The following IQGAP2 variants were observed in gnomAD, a reference collection of about 807,000 sequenced individuals.
IQGAP2 encodes the protein IQ motif containing GTPase activating protein 2, also known as ras GTPase-activating-like protein IQGAP2.
Under a neutral mutation model 201.3 loss-of-function variants are expected in IQGAP2, and 173 were observed. The observed-to-expected ratio is 0.86, with a 90% CI of 0.76 to 0.98. The LOEUF (loss-of-function observed/expected upper bound fraction) is 0.98. IQGAP2 is among the 50% of genes least tolerant of loss of function. IQGAP2 has a pLI of 0.00. For synonymous variants in IQGAP2, 675 were observed against 673.9 expected (o/e 1.00, Z -0.03); for missense variants, 1,687 against 1,864.8 (o/e 0.90, Z 1.76).
chr5:76,554,152 A>T (rs1438277297), intron 2 of IQGAP2, among the ~76,000 whole-genome samples: 1 of 152,214 alleles, frequency 6.6e-6, no homozygotes, highest in Non-Finnish European at 1.5e-5. Context: ...GGGTAGCCAC[A>T]TGCAAAAGAA....
chr5:76,504,066 T>C (rs1757451766), intron 2 of IQGAP2, among the ~76,000 whole-genome samples: 1 of 152,202 alleles, frequency 6.6e-6, no homozygotes, highest in Non-Finnish European at 1.5e-5. Context: ...CCCTGAATGA[T>C]CAAAGCTGGC....
chr5:76,518,193 C>G (rs547075634), intron 2 of IQGAP2, among the ~76,000 whole-genome samples: 12 of 152,142 alleles, frequency 7.9e-5, no homozygotes, highest in Non-Finnish European at 1.5e-4. Context: ...AACTCCTGAC[C>G]TTAGGTGATC....
At chr5:76,515,973 G>C (rs1259504342) in intron 2 of IQGAP2, among the ~76,000 whole-genome samples, 3 of 149,102 alleles carry the variant, frequency 2.0e-5, no homozygotes, top group Non-Finnish European at 4.4e-5. Flanking sequence ...GACCTCCCAG[G>C]CTCAAGCAAT....
intron 2 of IQGAP2, among the ~76,000 whole-genome samples, chr5:76,534,219 G>A (rs1406917645): frequency 2.6e-5 from 4 of 152,192 alleles, no homozygotes; most frequent in African/African-American, 9.6e-5. Flanking sequence ...CATGGTGTGT[G>A]GCCACTAGAA....
chr5:76,427,344 A>G (rs1752068139), intron 1 of IQGAP2, among the ~76,000 whole-genome samples: 1 of 152,122 alleles, frequency 6.6e-6, no homozygotes, highest in Non-Finnish European at 1.5e-5. Context: ...CATTTACTGG[A>G]CCAATTAGTG....
intron 2 of IQGAP2, among the ~76,000 whole-genome samples, chr5:76,532,557 C>T (rs773410731): frequency 4.6e-5 from 7 of 152,114 alleles, no homozygotes; most frequent in South Asian, 2.1e-4. Context: ...ATCCTGTAGG[C>T]GTGGTCAAGG....
chr5:76,702,648 G>A lies in IQGAP2; in HGVS notation c.4614+58G>A, dbSNP rs945538108. On this transcript the variant is annotated intron_variant, in intron 35 of 35. Coordinates refer to ENST00000274364, the MANE Select transcript of IQGAP2 (RefSeq NM_006633.5). ...AAATTTTATATGTGGATCATACATT[G>A]CTACCCTGGCTCTCTCTCTTCAGGA... 22 of 790,470 alleles carry A rather than the reference G, an allele frequency of 2.8e-5. No individual in the cohort carries two copies. In the African/African-American group the frequency reaches 2.9e-4, roughly 10 times the overall value. The allele number at this position is 790,470 out of a possible 1,614,324, so 49.0% of individuals were successfully genotyped here. A position where few individuals can be genotyped will look rare whatever the true frequency, so the allele number is the denominator to read the frequency against.
chr5:76,627,332 G>T (rs894209902), intron 13 of IQGAP2, 78 bp from the exon 14 acceptor site: 1 of 925,134 alleles, frequency 1.1e-6, no homozygotes, highest in South Asian at 1.3e-5. Flanking sequence ...TGATTAAATG[G>T]CTCCTCAAAA....
intron 17 of IQGAP2, among the ~76,000 whole-genome samples, chr5:76,644,110 A>C (rs1675148265): frequency 1.3e-5 from 2 of 151,986 alleles, no homozygotes; most frequent in Admixed American, 1.3e-4. Context: ...GTAATAGTTA[A>C]AGTCTATAAA....
At chr5:76,556,135 T>A (rs1476447163) in intron 2 of IQGAP2, among the ~76,000 whole-genome samples, 1 of 152,194 alleles carries the variant, frequency 6.6e-6, no homozygotes, top group Non-Finnish European at 1.5e-5. Context: ...AGAAAGGACC[T>A]GCTGGTGGTG....
intron 17 of IQGAP2, among the ~76,000 whole-genome samples, chr5:76,644,157 A>G (rs574632747): frequency 6.6e-6 from 1 of 152,234 alleles, no homozygotes; most frequent in African/African-American, 2.4e-5. Context: ...GCGTTTTGAC[A>G]GACTTCTTTT....
intron 17 of IQGAP2, among the ~76,000 whole-genome samples, chr5:76,645,485 A>G (rs1448250557): frequency 1.3e-5 from 2 of 152,154 alleles, no homozygotes; most frequent in Non-Finnish European, 2.9e-5. Flanking sequence ...AAGCATTCCT[A>G]TTTCTCCACA....
At chr5:76,680,330 G>T (rs1051682725) in intron 28 of IQGAP2, among the ~76,000 whole-genome samples, 1 of 152,078 alleles carries the variant, frequency 6.6e-6, no homozygotes, top group Non-Finnish European at 1.5e-5. Flanking sequence ...TACAAAAAGT[G>T]AACTCAAAAT....
At chr5:76,426,026 C>T (rs990435958) in intron 1 of IQGAP2, among the ~76,000 whole-genome samples, 5 of 152,126 alleles carry the variant, frequency 3.3e-5, no homozygotes, top group African/African-American at 9.7e-5. Flanking sequence ...CTCAAGTCAA[C>T]GGGATTAGAA....
intron 2 of IQGAP2, among the ~76,000 whole-genome samples, chr5:76,496,703 T>C (rs1242802286): frequency 1.1e-3 from 12 of 11,408 alleles, no homozygotes; most frequent in East Asian, 3.7e-3. Flanking sequence ...TCTTTCTGTC[T>C]CTTTCTTTCT....
intron 1 of IQGAP2, among the ~76,000 whole-genome samples, chr5:76,439,599 CTTT>C (rs970743456): frequency 6.6e-6 from 1 of 151,884 alleles, no homozygotes; most frequent in Non-Finnish European, 1.5e-5. Context: ...TAGTGACCTT[CTTT>C]GTCTTTTTTT....
chr5:76,705,152 A>AT (rs1316278334), intron 35 of IQGAP2, among the ~76,000 whole-genome samples: 7 of 152,178 alleles, frequency 4.6e-5, no homozygotes, highest in African/African-American at 1.7e-4. Context: ...ATTATGGAAG[A>AT]TAATTAGCTG....
chr5:76,574,115 G>T (rs555648260), intron 4 of IQGAP2, among the ~76,000 whole-genome samples: 2 of 151,926 alleles, frequency 1.3e-5, no homozygotes, highest in Admixed American at 1.3e-4. Context: ...TGAGTATCAC[G>T]TACTACCATA....
At chr5:76,703,139 C>A (rs1018640367) in intron 35 of IQGAP2, among the ~76,000 whole-genome samples, 2 of 43,890 alleles carry the variant, frequency 4.6e-5, no homozygotes, top group African/African-American at 1.1e-4. Flanking sequence ...AATGGTTTTT[C>A]TTTTTTGTGG....
Sources: gnomAD v4.1 joint callset for allele counts (sites outside exome capture counted in the v4.1 genomes callset) on GRCh38, gnomAD v4.1.1 for gene constraint, MANE v1.5 for transcripts, NCBI Gene and HGNC (gene_info 2026-07-23, HGNC 2026-07-21) for gene names.